Variants in MSR1 observed in about 807,000 individuals in gnomAD.
MSR1 encodes the protein macrophage scavenger receptor types I and II.
MSR1 carries 53 observed loss-of-function variants against 47.2 expected under a neutral mutation model. That is an observed-to-expected ratio of 1.12 (90% CI 0.90 to 1.41). The LOEUF is 1.41. MSR1 is among the 40% of genes most tolerant of loss of function. The pLI is 0.00. For missense variants in MSR1, 786 were observed against 546.9 expected (o/e 1.44, Z -4.36); for synonymous variants, 239 against 185.6 (o/e 1.29, Z -2.34).
intron 3 of MSR1, among the ~76,000 whole-genome samples, chr8:16,170,461 T>G (rs1252129546): frequency 6.6e-6 from 1 of 152,204 alleles, no homozygotes; most frequent in Non-Finnish European, 1.5e-5. Context: ...TCTCTCTATA[T>G]GTATCTATTT....
At chr8:16,166,262 C>G (rs933321265) in intron 4 of MSR1, among the ~76,000 whole-genome samples, 10 of 146,466 alleles carry the variant, frequency 6.8e-5, no homozygotes, top group African/African-American at 2.5e-4. Context: ...CCTCCACCTC[C>G]TGGGTTCAAG....
intron 1 of MSR1, among the ~76,000 whole-genome samples, chr8:16,190,086 G>A (rs1393030256): frequency 1.3e-5 from 2 of 151,368 alleles, no homozygotes; most frequent in Non-Finnish European, 2.9e-5. Flanking sequence ...GCTCATTTTT[G>A]TATTTTTCAC....
At chr8:16,132,662 T>C (rs563313990) in intron 8 of MSR1, among the ~76,000 whole-genome samples, 1 of 152,116 alleles carries the variant, frequency 6.6e-6, no homozygotes, top group Admixed American at 6.5e-5. Flanking sequence ...GATTTTTGTA[T>C]TTTTAGTACA....
At chr8:16,179,753 T>C (rs890765069) in intron 1 of MSR1, among the ~76,000 whole-genome samples, 2 of 145,182 alleles carry the variant, frequency 1.4e-5, no homozygotes, top group Non-Finnish European at 3.0e-5. Context: ...TGGTGGCACC[T>C]GTAATCCCAG....
chr8:16,131,737 G>A (rs1171758808), intron 8 of MSR1, among the ~76,000 whole-genome samples: 1 of 151,926 alleles, frequency 6.6e-6, no homozygotes, highest in South Asian at 2.1e-4. Context: ...ATTGAAAAGG[G>A]AGTCCTTTTC....
chr8:16,168,516 T>A lies in MSR1; in HGVS notation c.572A>T (p.Gln191Leu), dbSNP rs767386828. The A allele has an allele frequency of 6.2e-7, 1 of 1,614,150 alleles. No individual in the cohort carries two copies. The highest frequency in any genetic ancestry group is 1.1e-5 in the South Asian group (1 of 91,084). ...ISLNTTLLDLQLNIENLNGKI... is the reference protein window; with the variant it reads ...ISLNTTLLDLLLNIENLNGKI... The stretch of plus-strand genomic sequence containing the variant: ...GCCATTCAGATTTTCTATGTTGAGC[T>A]GCAAATCAAGCAATGTGGTATTCAA... Residue 191 changes from glutamine (Q) to leucine (L), a missense_variant, in exon 4 of 10, where the codon CAG (glutamine) becomes CTG (leucine). Gln to Leu is a moderately radical substitution (Grantham distance 113, BLOSUM62 -2). Transcript: ENST00000262101.
At chr8:16,131,441 G>GTTTTTTTTTTTTTTTTTTTTTTT (rs56321577) in intron 8 of MSR1, among the ~76,000 whole-genome samples, 1 of 54,660 alleles carries the variant, frequency 1.8e-5, no homozygotes, top group African/African-American at 8.1e-5. Context: ...TCTGTTGATA[G>GTTTTTTTTTTTTTTTTTTTTTTT]TTTTTTTTTT....
intron 1 of MSR1, among the ~76,000 whole-genome samples, chr8:16,183,265 T>C (rs1269497165): frequency 6.6e-6 from 1 of 152,080 alleles, no homozygotes; most frequent in African/African-American, 2.4e-5. Context: ...CAGATTATTC[T>C]ATCTACCAGG....
At position 16,155,138 on chromosome 8, in the gene MSR1, G is replaced by C; in HGVS notation, c.824C>G (p.Pro275Arg). 6.2e-7 allele frequency: 1 copy of C among 1,611,180 alleles called. No homozygotes were observed. The highest frequency in any genetic ancestry group is 8.5e-7 in the Non-Finnish European group (1 of 1,178,076). Residue 275 changes from proline (P) to arginine (R), a missense_variant, in exon 6 of 10, where the codon CCT becomes CGT. Transcript: ENST00000262101. ...LRNITLIQGP[P>R]GPPGEKGDRG... is the part of the protein sequence containing the mutation. ...ATCTCCTTTTTCACCCGGGGGTCCA[G>C]GAGGACCTTTAAAAAAATTACAGTT...
intron 1 of MSR1, among the ~76,000 whole-genome samples, chr8:16,185,885 A>G (rs1405902914): frequency 1.3e-5 from 2 of 151,954 alleles, no homozygotes; most frequent in East Asian, 3.9e-4. Context: ...AACTTGAAAA[A>G]CATGATATTC....
At chr8:16,171,641 A>T (rs759283611) in intron 3 of MSR1, among the ~76,000 whole-genome samples, 2 of 152,216 alleles carry the variant, frequency 1.3e-5, no homozygotes, top group Non-Finnish European at 2.9e-5. Flanking sequence ...CTCTGGGAAT[A>T]AAAGAACAAT....
At chr8:16,135,016 A>T (rs192396367) in intron 8 of MSR1, among the ~76,000 whole-genome samples, 158 of 152,276 alleles carry the variant, frequency 1.0e-3, no homozygotes, top group African/African-American at 3.6e-3. Flanking sequence ...ATAAGGTTTA[A>T]GGAAAGAAGC....
At chr8:16,159,071 G>C (rs966374810) in intron 5 of MSR1, among the ~76,000 whole-genome samples, 15 of 150,802 alleles carry the variant, frequency 9.9e-5, no homozygotes, top group African/African-American at 3.7e-4. Flanking sequence ...CAAAGCGCTG[G>C]GATTACAGGC....
intron 7 of MSR1, among the ~76,000 whole-genome samples, chr8:16,147,776 G>T (rs1800740481): frequency 6.6e-6 from 1 of 152,156 alleles, no homozygotes; most frequent in African/African-American, 2.4e-5. Context: ...TTAATAAGAA[G>T]TGATGTCCTA....
At chr8:16,185,013 G>A (rs796781649) in intron 1 of MSR1, among the ~76,000 whole-genome samples, 37 of 152,158 alleles carry the variant, frequency 2.4e-4, no homozygotes, top group African/African-American at 8.9e-4. Flanking sequence ...GAACACTGAA[G>A]CATACTCAGT....
chr8:16,186,637 CT>C (rs5889637), intron 1 of MSR1, among the ~76,000 whole-genome samples: 8,179 of 143,470 alleles, frequency 0.057, 544 homozygotes, highest in African/African-American at 0.17. Context: ...CGTGACATTT[CT>C]TTTTTTTTTT....
At chr8:16,186,206 C>A in intron 1 of MSR1, 1 of 1,535,400 alleles carries the variant, frequency 6.5e-7, no homozygotes, top group South Asian at 1.2e-5. Context: ...TGAGATAGCA[C>A]ATCCAGGGGA....
chr8:16,110,939 T>C (rs1435988204), intron 9 of MSR1, among the ~76,000 whole-genome samples: 1 of 152,114 alleles, frequency 6.6e-6, no homozygotes, highest in Non-Finnish European at 1.5e-5. Context: ...TTGAGGTGTT[T>C]ATAACAGTAT....
intron 7 of MSR1, among the ~76,000 whole-genome samples, chr8:16,143,988 T>G (rs1800630580): frequency 6.6e-6 from 1 of 152,070 alleles, no homozygotes; most frequent in East Asian, 1.9e-4. Context: ...GTTCTTATAT[T>G]CACATTACAT....
Sources: allele counts gnomAD v4.1 joint callset (sites outside exome capture counted in the v4.1 genomes callset), GRCh38; gene constraint gnomAD v4.1.1; transcripts MANE v1.5; gene names NCBI Gene and HGNC (gene_info 2026-07-23, HGNC 2026-07-21).